The following MYOM2 variants were observed in gnomAD, a reference collection of about 807,000 sequenced individuals.
MYOM2 encodes the protein myomesin 2.
In MYOM2, 254 loss-of-function variants were observed where a neutral mutation model predicts 187.6. The ratio of observed to expected loss-of-function variants is 1.35; its 90% CI spans 1.22 to 1.50. MYOM2 has a LOEUF of 1.50. Among genes scored for constraint, MYOM2 ranks in the 40% most tolerant of loss-of-function variants. The pLI is 0.00. For missense variants in MYOM2, 2,796 were observed against 1,924.0 expected, an observed-to-expected ratio of 1.45 and a Z score of -8.48; for synonymous variants, 981 against 753.8, an observed-to-expected ratio of 1.30 and a Z score of -4.94.
intron 15 of MYOM2, among the ~76,000 whole-genome samples, chr8:2,091,535 G>A (rs981264172): frequency 2.0e-5 from 3 of 152,200 alleles, no homozygotes; most frequent in Non-Finnish European, 2.9e-5. Flanking sequence ...TGTCAGGAAC[G>A]CGGTTCTGAG....
Position 2,055,129 on chromosome 8 carries a change from G to GGGGACCAA in MYOM2, c.264-2218_264-2217insGGACCAAG, listed in dbSNP as rs1818620556. ...GGGTAACCAAGTACCTGGATACTGG[G>GGGGACCAA]GTAACCAAGTACCTGGATACTGGGG... On this transcript the variant is annotated intron_variant, in intron 3 of 36. Transcript: ENST00000262113. Among the ~76,000 whole-genome samples the GGGGACCAA allele has an allele frequency of 7.8e-5, 2 of 25,532 alleles. 1 individual carries two copies. Among genetic ancestry groups the GGGGACCAA allele is most frequent in the Admixed American group, 1.2e-3 (2 of 1,692 alleles). 16.7% of individuals were successfully genotyped at this position (25,532 alleles called of 152,430 possible).
chr8:2,050,928 A>C, intron 2 of MYOM2, 55 bp downstream of exon 2: 3 of 1,383,282 alleles, frequency 2.2e-6, no homozygotes, highest in Non-Finnish European at 3.1e-6. Flanking sequence ...GGGGTCTGAC[A>C]TTTAAAGGCT....
chr8:2,065,081 A>G lies in MYOM2; in HGVS notation c.654-4197A>G, dbSNP rs1818972424. On this transcript the variant is annotated intron_variant, in intron 6 of 36. Coordinates refer to ENST00000262113, the MANE Select transcript of MYOM2 (RefSeq NM_003970.4). ...TAACATTATATGATAAAACCACAAAATGTTTTCAAGTACATTGTTTTATTT... is the reference window on the plus strand; with the variant it reads ...TAACATTATATGATAAAACCACAAAGTGTTTTCAAGTACATTGTTTTATTT... Among the ~76,000 whole-genome samples, 3 of 152,342 alleles carry G rather than the reference A, an allele frequency of 2.0e-5. No homozygotes were observed. The South Asian group carries it at 6.2e-4, about 32-fold the overall frequency.
At chr8:2,070,386 C>G (rs1009459047) in intron 8 of MYOM2, among the ~76,000 whole-genome samples, 7 of 152,332 alleles carry the variant, frequency 4.6e-5, no homozygotes, top group African/African-American at 1.7e-4. Flanking sequence ...GTGGCCTCTG[C>G]TCGCGATTTC....
At chr8:2,102,865 G>A in intron 21 of MYOM2, 84 bp downstream of exon 21, 1 of 1,104,344 alleles carries the variant, frequency 9.1e-7, no homozygotes, top group Middle Eastern at 2.0e-4. Context: ...ATGAGGGTGT[G>A]TGGATAAATG....
intron 13 of MYOM2, chr8:2,085,000 A>T: frequency 2.3e-6 from 1 of 435,230 alleles, no homozygotes; most frequent in Non-Finnish European, 4.1e-6. Context: ...CTCTTCCAAC[A>T]GAATCTCTGG....
intron 32 of MYOM2, among the ~76,000 whole-genome samples, chr8:2,140,382 C>T (rs1021062265): frequency 1.6e-4 from 8 of 49,970 alleles, no homozygotes; most frequent in African/African-American, 7.4e-4. Flanking sequence ...TCCAATTCTT[C>T]GGATCTACAC....
intron 28 of MYOM2, 66 bp downstream of exon 28, chr8:2,118,018 C>T: frequency 7.1e-7 from 1 of 1,402,680 alleles, no homozygotes; most frequent in African/African-American, 1.4e-5. Flanking sequence ...AGAGGCCTTT[C>T]AGGGAGTAGC....
intron 6 of MYOM2, among the ~76,000 whole-genome samples, chr8:2,064,773 T>C (rs934554907): frequency 6.6e-6 from 1 of 151,438 alleles, no homozygotes; most frequent in Non-Finnish European, 1.5e-5. Context: ...CTCCTCCTTC[T>C]CCTCCATCCC....
At chr8:2,068,007 C>T (rs539160978) in intron 6 of MYOM2, among the ~76,000 whole-genome samples, 28 of 152,162 alleles carry the variant, frequency 1.8e-4, no homozygotes, top group East Asian at 3.9e-4. Context: ...CCTCTGTGTA[C>T]GCCAGGTACA....
Position 2,145,356 on chromosome 8 carries a change from A to C in MYOM2, c.*375A>C. 3.3e-6 allele frequency: 1 copy of C among 299,664 alleles called. No homozygotes were observed. 18.6% of individuals were successfully genotyped at this position (299,664 alleles called of 1,614,324 possible). A position where few individuals can be genotyped will look rare whatever the true frequency, so the allele number is the denominator to read the frequency against. ...GTGCTTCTCTTTGGGGGGCCGCGAG[A>C]TCTAGCATCTCTGAAATCCTGGCTG... On this transcript the variant is annotated 3_prime_UTR_variant, in exon 37 of 37. Transcript: ENST00000262113.
rs1355526780 is a variant in MYOM2 at position 2,086,325 on chromosome 8, G to A, written c.1644+935G>A. Among the ~76,000 whole-genome samples, 33 of 80,070 alleles carry A rather than the reference G, an allele frequency of 4.1e-4. 2 individuals carry two copies. In the East Asian group the frequency reaches 5.5e-3, roughly 13 times the overall value. 52.5% of individuals were successfully genotyped at this position (80,070 alleles called of 152,430 possible). ...GTGGCCCCCCACAGTCGTGATCTCT[G>A]CGTGGCCCCCCACTGTTGTGATCTC... On this transcript the variant is annotated intron_variant, in intron 14 of 36. Coordinates refer to ENST00000262113, the MANE Select transcript of MYOM2 (RefSeq NM_003970.4).
intron 31 of MYOM2, among the ~76,000 whole-genome samples, chr8:2,124,676 C>T (rs1006536492): frequency 6.6e-6 from 1 of 152,186 alleles, no homozygotes; most frequent in Admixed American, 6.5e-5. Context: ...GGAAACTCCA[C>T]ACTCTTTTCT....
chr8:2,119,602 G>T (rs867983750), intron 28 of MYOM2, among the ~76,000 whole-genome samples: 1 of 152,178 alleles, frequency 6.6e-6, no homozygotes, highest in Non-Finnish European at 1.5e-5. Flanking sequence ...CACAAGGGGG[G>T]ATACGAGCAG....
Position 2,145,278 on chromosome 8 carries a change from A to G in MYOM2, c.*297A>G, listed in dbSNP as rs534429691. The stretch of plus-strand genomic sequence containing the variant: ...CTAGAATTTTCACGGGTGTGGGCAC[A>G]TGGGTGTGGCACCTGGACGTGTGCA... On this transcript the variant is annotated 3_prime_UTR_variant, in exon 37 of 37. Coordinates refer to ENST00000262113, the MANE Select transcript of MYOM2 (RefSeq NM_003970.4). 2 of 513,544 alleles carry G rather than the reference A, an allele frequency of 3.9e-6. No homozygotes were observed. Among genetic ancestry groups the G allele is most frequent in the South Asian group, 2.6e-5 (1 of 38,342 alleles). 31.8% of individuals were successfully genotyped at this position (513,544 alleles called of 1,614,324 possible).
At chr8:2,099,345 G>A (rs570989920) in intron 19 of MYOM2, among the ~76,000 whole-genome samples, 38 of 152,334 alleles carry the variant, frequency 2.5e-4, no homozygotes, top group African/African-American at 6.5e-4. Flanking sequence ...AGCAGGCAGA[G>A]AGGGTCACAG....
intron 17 of MYOM2, 57 bp downstream of exon 17, chr8:2,094,148 A>G (rs867463913): frequency 1.9e-6 from 3 of 1,589,174 alleles, no homozygotes; most frequent in East Asian, 4.5e-5. Flanking sequence ...TCATTTCTGC[A>G]TGAATAAACA....
At chr8:2,078,241 T>C (rs1200608989) in intron 11 of MYOM2, among the ~76,000 whole-genome samples, 2 of 152,222 alleles carry the variant, frequency 1.3e-5, no homozygotes, top group Non-Finnish European at 2.9e-5. Context: ...TCTAGGAGAC[T>C]GTAAGCCAGC....
chr8:2,079,449 A>C (rs1819545622), intron 12 of MYOM2, 111 bp from the exon 13 acceptor site: 1 of 1,021,488 alleles, frequency 9.8e-7, no homozygotes, highest in Admixed American at 1.7e-5. Flanking sequence ...GAGGACTCAC[A>C]GGTTGTAGTC....
Sources: allele counts gnomAD v4.1 joint callset (sites outside exome capture counted in the v4.1 genomes callset), GRCh38; gene constraint gnomAD v4.1.1; transcripts MANE v1.5; gene names NCBI Gene and HGNC (gene_info 2026-07-23, HGNC 2026-07-21).